ADAMTSL3: variants seen among roughly 807,000 people sequenced by gnomAD.
ADAMTSL3 encodes ADAMTS like 3, also known as ADAMTS-like protein 3.
ADAMTSL3 carries 128 observed loss-of-function variants against 201.7 expected under a neutral mutation model. That is an observed-to-expected ratio of 0.63 (90% CI 0.55 to 0.73). The LOEUF (loss-of-function observed/expected upper bound fraction) is 0.73. ADAMTSL3 is among the 30% of genes least tolerant of loss of function. The pLI is 0.00. For synonymous variants in ADAMTSL3, 738 were observed against 748.4 expected (o/e 0.99, Z 0.23); for missense variants, 1,990 against 2,119.6 (o/e 0.94, Z 1.20).
intron 9 of ADAMTSL3, among the ~76,000 whole-genome samples, chr15:83,882,154 T>C (rs1252112950): frequency 6.6e-6 from 1 of 151,812 alleles, no homozygotes; most frequent in African/African-American, 2.4e-5. Flanking sequence ...AGACTCTGTG[T>C]CAAAAAAAGA....
intron 8 of ADAMTSL3, among the ~76,000 whole-genome samples, chr15:83,860,717 C>T (rs577774322): frequency 6.6e-6 from 1 of 152,272 alleles, no homozygotes; most frequent in East Asian, 1.9e-4. Context: ...GGAATAGCTC[C>T]AGTCTACAGC....
chr15:83,997,927 A>G (rs1307582986), intron 23 of ADAMTSL3, among the ~76,000 whole-genome samples: 1 of 152,158 alleles, frequency 6.6e-6, no homozygotes, highest in African/African-American at 2.4e-5. Context: ...ACAAAATAAA[A>G]GTAAATGTAG....
At chr15:83,740,788 C>G (rs186092394) in intron 3 of ADAMTSL3, among the ~76,000 whole-genome samples, 1 of 152,152 alleles carries the variant, frequency 6.6e-6, no homozygotes, top group Admixed American at 6.5e-5. Context: ...TCTATAGATT[C>G]ACATGATATA....
chr15:83,878,864 A>G (rs1435438467), intron 9 of ADAMTSL3, among the ~76,000 whole-genome samples: 2 of 152,060 alleles, frequency 1.3e-5, no homozygotes, highest in Non-Finnish European at 2.9e-5. Context: ...TCTCTGCAAT[A>G]GTTTGCAAAC....
intron 1 of ADAMTSL3, among the ~76,000 whole-genome samples, chr15:83,655,338 G>T (rs532647216): frequency 3.3e-5 from 5 of 152,178 alleles, no homozygotes; most frequent in Admixed American, 6.5e-5. Flanking sequence ...CTCTCTGGGC[G>T]GCTTTGTTGT....
chr15:83,785,881 T>TC (rs1274992580), intron 4 of ADAMTSL3, among the ~76,000 whole-genome samples: 1 of 152,112 alleles, frequency 6.6e-6, no homozygotes, highest in African/African-American at 2.4e-5. Context: ...TCTCACTCTG[T>TC]CACCCAGGCT....
intron 16 of ADAMTSL3, among the ~76,000 whole-genome samples, chr15:83,917,394 C>T (rs12900668): frequency 0.14 from 21,038 of 151,320 alleles, 1,892 homozygotes; most frequent in Middle Eastern, 0.33. Context: ...AATCCAGACA[C>T]CAATCTCCAG....
At chr15:83,793,140 C>T (rs2063368979) in intron 4 of ADAMTSL3, among the ~76,000 whole-genome samples, 1 of 151,826 alleles carries the variant, frequency 6.6e-6, no homozygotes, top group Non-Finnish European at 1.5e-5. Context: ...AAGTTGATCT[C>T]GTAGAAAAAG....
At chr15:83,946,118 C>T (rs185192977) in intron 19 of ADAMTSL3, among the ~76,000 whole-genome samples, 3 of 152,220 alleles carry the variant, frequency 2.0e-5, no homozygotes, top group African/African-American at 7.2e-5. Context: ...TAAAATACCC[C>T]ACTTTGCTTC....
intron 13 of ADAMTSL3, 36 bp downstream of exon 13, chr15:83,892,924 T>C (rs2065539616): frequency 6.3e-7 from 1 of 1,584,468 alleles, no homozygotes; most frequent in Admixed American, 1.7e-5. Context: ...TAATTAATTC[T>C]CATATTTTAA....
At chr15:83,876,047 A>G (rs566115675) in intron 9 of ADAMTSL3, among the ~76,000 whole-genome samples, 15 of 151,930 alleles carry the variant, frequency 9.9e-5, no homozygotes, top group African/African-American at 3.4e-4. Context: ...GAAACCATTT[A>G]TGTTTCTCTT....
At chr15:83,915,135 C>A (rs1311735886) in intron 16 of ADAMTSL3, among the ~76,000 whole-genome samples, 1 of 152,232 alleles carries the variant, frequency 6.6e-6, no homozygotes, top group African/African-American at 2.4e-5. Context: ...GGAGCTGTGT[C>A]TTTCATTAGG....
At chr15:83,772,639 G>A (rs2063003061) in intron 3 of ADAMTSL3, among the ~76,000 whole-genome samples, 1 of 151,404 alleles carries the variant, frequency 6.6e-6, no homozygotes, top group Admixed American at 6.6e-5. Flanking sequence ...CTTATGCAAG[G>A]TTTCTTGGGA....
At chr15:83,780,284 C>T (rs777571784) in intron 4 of ADAMTSL3, among the ~76,000 whole-genome samples, 4 of 151,878 alleles carry the variant, frequency 2.6e-5, no homozygotes, top group Non-Finnish European at 4.4e-5. Flanking sequence ...GTGGCGGGCA[C>T]CTGTAATGCC....
rs369174975 is a variant in ADAMTSL3 at position 83,982,320 on chromosome 15, A to T, written c.2692A>T (p.Ile898Phe). The T allele has an allele frequency of 1.9e-6, 3 of 1,613,456 alleles. No homozygotes were observed. The highest frequency in any genetic ancestry group is 2.5e-6 in the Non-Finnish European group (3 of 1,179,722). ...KTKLGEQGPQILSVQRVYIQT... is the reference protein window; with the variant it reads ...KTKLGEQGPQFLSVQRVYIQT... ...AAAACTTGGTGAGCAGGGTCCGCAG[A>T]TCCTCAGTGTCCAGAGAGTCTACAT... Residue 898 changes from isoleucine (I) to phenylalanine (F), a missense_variant, in exon 21 of 30, where the codon ATC becomes TTC. By Grantham distance (21) the Ile-to-Phe change is conservative. Coordinates refer to ENST00000286744, the MANE Select transcript of ADAMTSL3 (RefSeq NM_207517.3).
intron 3 of ADAMTSL3, among the ~76,000 whole-genome samples, chr15:83,738,599 G>A (rs1380468152): frequency 1.3e-5 from 2 of 152,026 alleles, no homozygotes; most frequent in Non-Finnish European, 2.9e-5. Context: ...TATGTTAGAA[G>A]AATGAAATAA....
chr15:83,813,232 G>T (rs559596671), intron 5 of ADAMTSL3, among the ~76,000 whole-genome samples: 1 of 152,312 alleles, frequency 6.6e-6, no homozygotes, highest in African/African-American at 2.4e-5. Flanking sequence ...GGGAAGAGCA[G>T]GGAATTAACT....
In ADAMTSL3 at chr15:83,654,744, G is replaced by T. The variant is rs2141341644; in HGVS notation, c.-34+468G>T. On this transcript the variant is annotated intron_variant, in intron 1 of 29. Transcript: ENST00000286744. This position sits in a 1 kb window ranked among gnomAD's most constrained non-coding sequence, Gnocchi z 5.3. ...GAGGCACTGGAGGAGCGACTTCGAG[G>T]CAGCGGGTAGTCGGAGGAGTGTGCA... Among the ~76,000 whole-genome samples the T allele has an allele frequency of 6.6e-6, 1 of 152,290 alleles. No individual in the cohort carries two copies. The highest frequency in any genetic ancestry group is 1.9e-4 in the East Asian group (1 of 5,148).
intron 24 of ADAMTSL3, among the ~76,000 whole-genome samples, chr15:84,015,176 C>T (rs983586667): frequency 6.6e-6 from 1 of 152,122 alleles, no homozygotes; most frequent in Non-Finnish European, 1.5e-5. Context: ...AATCTCTTGA[C>T]CTCGTGATCT....
Sources: gnomAD v4.1 joint callset for allele counts (sites outside exome capture counted in the v4.1 genomes callset) on GRCh38, gnomAD v4.1.1 for gene constraint, Gnocchi (gnomAD v3.1) non-coding constraint, MANE v1.5 for transcripts, NCBI Gene and HGNC (gene_info 2026-07-23, HGNC 2026-07-21) for gene names.